The following COL24A1 variants were observed in gnomAD, a reference collection of about 807,000 sequenced individuals.
COL24A1 encodes collagen type XXIV alpha 1 chain.
A neutral mutation model predicts 253.9 loss-of-function variants in COL24A1; 224 were observed. The observed-to-expected ratio is 0.88, with a 90% CI of 0.79 to 0.99. The LOEUF (loss-of-function observed/expected upper bound fraction) is 0.99, where lower values mean the gene tolerates loss of function less well. Ranked by LOEUF, COL24A1 falls within the 50% of genes least tolerant of loss-of-function variation. The probability of loss-of-function intolerance (pLI) is 0.00; values close to 1 mark genes in which losing one functional copy is unlikely to be tolerated. For synonymous variants in COL24A1, 685 were observed against 673.7 expected, an observed-to-expected ratio of 1.02 and a Z score of -0.26; for missense variants, 2,131 against 2,068.5, an observed-to-expected ratio of 1.03 and a Z score of -0.59.
intron 39 of COL24A1, among the ~76,000 whole-genome samples, chr1:85,844,171 A>G (rs1247339434): frequency 2.6e-5 from 4 of 152,122 alleles, no homozygotes; most frequent in African/African-American, 9.6e-5. Context: ...AAATTTGAAT[A>G]TAGTAGTCCT....
At chr1:85,849,433 A>G in intron 37 of COL24A1, 27 bp from the exon 38 acceptor site, 2 of 1,555,402 alleles carry the variant, frequency 1.3e-6, no homozygotes, top group Admixed American at 3.4e-5. Flanking sequence ...AAAAAAGGAA[A>G]TAAATGGTTA....
Position 86,125,686 on chromosome 1 carries a change from C to A in COL24A1, c.650G>T (p.Gly217Val). 1.9e-6 allele frequency: 3 copies of A among 1,611,014 alleles called. No individual in the cohort carries two copies. The highest frequency in any genetic ancestry group is 2.2e-5 in the East Asian group (1 of 44,782). ...AATAATATCTAACTGACATACTATT[C>A]CTTCAAAATGGATAGAATTATTATT... is the stretch of plus-strand genomic sequence containing the variant. ...SMNNNSIHFEGIVCQLDIIPS... is the reference protein window; with the variant it reads ...SMNNNSIHFEVIVCQLDIIPS... The change falls in exon 3 of 60, where the codon GGA becomes GTA. Residue 217 changes from glycine to valine, a missense_variant. Physicochemically the swap from Gly to Val is moderately radical, Grantham distance 109. Transcript: ENST00000370571.
chr1:85,985,183 G>A (rs1017364043), intron 20 of COL24A1, among the ~76,000 whole-genome samples: 3 of 151,556 alleles, frequency 2.0e-5, no homozygotes, highest in African/African-American at 7.3e-5. Context: ...ATTAGATTTG[G>A]GAGGAACAGA....
At chr1:85,837,480 CAG>C (rs1164362516) in intron 43 of COL24A1, among the ~76,000 whole-genome samples, 3 of 152,108 alleles carry the variant, frequency 2.0e-5, no homozygotes, top group African/African-American at 7.2e-5. Flanking sequence ...TTCATCTTGA[CAG>C]AGATGTATCA....
intron 7 of COL24A1, among the ~76,000 whole-genome samples, chr1:86,072,435 C>T (rs538583206): frequency 3.3e-5 from 5 of 152,194 alleles, no homozygotes; most frequent in Non-Finnish European, 5.9e-5. Flanking sequence ...CAGACTGCCT[C>T]TTTAGATTCC....
chr1:86,016,480 A>ATG (rs370656511), intron 19 of COL24A1, among the ~76,000 whole-genome samples: 1 of 151,892 alleles, frequency 6.6e-6, no homozygotes, highest in African/African-American at 2.4e-5. Context: ...GCTTGCGTGT[A>ATG]TGTGTGTGTG....
At chr1:85,828,807 C>T (rs1305289849) in intron 43 of COL24A1, among the ~76,000 whole-genome samples, 4 of 142,478 alleles carry the variant, frequency 2.8e-5, no homozygotes, top group East Asian at 2.0e-4. Context: ...TATTTTGAGC[C>T]TATGTGTGTC....
chr1:86,029,620 T>C (rs1474767345), intron 14 of COL24A1, among the ~76,000 whole-genome samples: 1 of 149,580 alleles, frequency 6.7e-6, no homozygotes, highest in East Asian at 1.9e-4. Context: ...GATTTTTTTT[T>C]TTTTTTTTTT....
At chr1:85,858,621 C>CTCCCTTCCTTCCT (rs1347863094) in intron 37 of COL24A1, among the ~76,000 whole-genome samples, 16 of 113,270 alleles carry the variant, frequency 1.4e-4, no homozygotes, top group Non-Finnish European at 2.1e-4. Context: ...TATTTTCTCC[C>CTCCCTTCCTTCCT]TCCTTCCTTC....
At chr1:85,911,502 A>G (rs764219275) in intron 24 of COL24A1, 69 bp from the exon 25 acceptor site, 3 of 1,123,756 alleles carry the variant, frequency 2.7e-6, no homozygotes, top group Admixed American at 1.9e-5. Context: ...TGGGTCTTAA[A>G]TCACCTGTAA....
chr1:85,801,639 T>G (rs929229793), intron 47 of COL24A1, among the ~76,000 whole-genome samples: 1 of 152,212 alleles, frequency 6.6e-6, no homozygotes, highest in Admixed American at 6.5e-5. Context: ...TTGACTTTTT[T>G]AACCCTTTCT....
intron 38 of COL24A1, among the ~76,000 whole-genome samples, chr1:85,848,199 C>T (rs72710922): frequency 0.023 from 3,443 of 152,284 alleles, 72 homozygotes; most frequent in South Asian, 0.088. Context: ...AGGATCATCA[C>T]TCATTGGCTT....
chr1:86,086,599 C>T (rs1703082234), intron 7 of COL24A1, among the ~76,000 whole-genome samples: 1 of 152,060 alleles, frequency 6.6e-6, no homozygotes, highest in Admixed American at 6.6e-5. Flanking sequence ...CCTAGGAAAC[C>T]TACTCCATAA....
chr1:85,911,387 C>G lies in COL24A1; in HGVS notation c.2609G>C (p.Gly870Ala). The change falls in exon 25 of 60, where the codon GGC (glycine) becomes GCC (alanine). Residue 870 changes from glycine to alanine, a missense_variant. Coordinates refer to ENST00000370571, the MANE Select transcript of COL24A1 (RefSeq NM_152890.7). Reference sequence around the variant, plus strand: ...TAATTCTTAAAAAATTACCTTTTCGCCAATGCTTCCAGTCATCCCAACTTC... The same window carrying G: ...TAATTCTTAAAAAATTACCTTTTCGGCAATGCTTCCAGTCATCCCAACTTC... ...PGEVGMTGSI[G>A]EKGERGSPGP... 3 of 1,611,282 alleles carry G rather than the reference C, an allele frequency of 1.9e-6. No homozygotes were observed. Among genetic ancestry groups the G allele is most frequent in the Non-Finnish European group, 2.5e-6 (3 of 1,178,754 alleles).
chr1:86,127,599 G>T (rs931592498), intron 2 of COL24A1, among the ~76,000 whole-genome samples: 5 of 151,910 alleles, frequency 3.3e-5, no homozygotes, highest in Non-Finnish European at 2.9e-5. Flanking sequence ...TATTCTTTGG[G>T]TTATAAATTT....
intron 7 of COL24A1, among the ~76,000 whole-genome samples, chr1:86,068,584 C>T (rs764058855): frequency 6.6e-6 from 1 of 152,146 alleles, no homozygotes; most frequent in African/African-American, 2.4e-5. Flanking sequence ...TAGTGCTAGG[C>T]TGGGCTTACA....
At chr1:85,894,926 T>C (rs1030052786) in intron 31 of COL24A1, among the ~76,000 whole-genome samples, 1 of 152,326 alleles carries the variant, frequency 6.6e-6, no homozygotes, top group East Asian at 1.9e-4. Context: ...ATTAATACTG[T>C]AGCGGCTAAA....
intron 7 of COL24A1, among the ~76,000 whole-genome samples, chr1:86,068,056 T>G (rs953693619): frequency 2.6e-5 from 4 of 152,230 alleles, no homozygotes; most frequent in African/African-American, 7.2e-5. Context: ...TGTTGTAATA[T>G]AAAATCAGTT....
chr1:85,922,044 G>A (rs113485810), intron 24 of COL24A1, among the ~76,000 whole-genome samples: 37 of 152,212 alleles, frequency 2.4e-4, no homozygotes, highest in East Asian at 7.7e-4. Context: ...TAGCTGATTC[G>A]ATCTAGTGGA....
Sources: allele counts gnomAD v4.1 joint callset (sites outside exome capture counted in the v4.1 genomes callset), GRCh38; gene constraint gnomAD v4.1.1; transcripts MANE v1.5; gene names NCBI Gene and HGNC (gene_info 2026-07-23, HGNC 2026-07-21).